OPN5: variants seen among roughly 807,000 people sequenced by gnomAD.
OPN5 encodes opsin 5.
A neutral mutation model predicts 41.7 loss-of-function variants in OPN5; 18 were observed. The observed-to-expected ratio is 0.43, with a 90% confidence interval of 0.30 to 0.64. The LOEUF is 0.64. Among genes scored for constraint, OPN5 ranks in the 30% least tolerant of loss-of-function variants. OPN5 has a pLI of 0.13. For missense variants in OPN5, 318 were observed against 434.5 expected (o/e 0.73, Z 2.38); for synonymous variants, 178 against 164.3 (o/e 1.08, Z -0.64).
At chr6:47,788,810 G>GT (rs1773276654) in intron 2 of OPN5, among the ~76,000 whole-genome samples, 1 of 147,876 alleles carries the variant, frequency 6.8e-6, no homozygotes, top group African/African-American at 2.5e-5. Flanking sequence ...TAACCTGGGG[G>GT]GGGGCGGTGG....
At chr6:47,824,075 T>A in exon 7 of OPN5, 1 of 1,150,462 alleles carries the variant, frequency 8.7e-7, no homozygotes, top group Non-Finnish European at 1.3e-6. Context: ...CAAATGTTAT[T>A]TTTCTGACTT....
At chr6:47,799,734 G>A (rs1343069839) in intron 4 of OPN5, among the ~76,000 whole-genome samples, 5 of 152,098 alleles carry the variant, frequency 3.3e-5, no homozygotes, top group Admixed American at 6.5e-5. Context: ...CGGGCCTTTG[G>A]TGTTCAGCTC....
chr6:47,789,357 T>C (rs1450364522), intron 2 of OPN5, among the ~76,000 whole-genome samples: 1 of 152,126 alleles, frequency 6.6e-6, no homozygotes, highest in Admixed American at 6.5e-5. Flanking sequence ...ATTGTACTAA[T>C]CACTACCTAT....
chr6:47,791,503 CAG>C (rs1298933045), intron 2 of OPN5, among the ~76,000 whole-genome samples: 1 of 152,172 alleles, frequency 6.6e-6, no homozygotes, highest in Non-Finnish European at 1.5e-5. Context: ...TTCCTGAAGC[CAG>C]GTCTCTTTGA....
At chr6:47,792,120 C>A in intron 3 of OPN5, 148 bp downstream of exon 3, 1 of 615,878 alleles carries the variant, frequency 1.6e-6, no homozygotes. Context: ...TCATCTTGTT[C>A]TGACATGTTT....
At chr6:47,795,589 G>A in intron 4 of OPN5, 26 bp downstream of exon 4, 2 of 1,528,588 alleles carry the variant, frequency 1.3e-6, no homozygotes, top group African/African-American at 1.4e-5. Flanking sequence ...TTTTACACAT[G>A]TGTTTTCTGA....
chr6:47,791,993 T>G (rs773136977), intron 3 of OPN5, 21 bp downstream of exon 3: 3 of 1,589,792 alleles, frequency 1.9e-6, no homozygotes, highest in Non-Finnish European at 2.6e-6. Flanking sequence ...AGGTTTCTCA[T>G]TCCCTGACAG....
intron 4 of OPN5, 102 bp downstream of exon 4, chr6:47,795,665 T>G: frequency 3.9e-6 from 3 of 770,568 alleles, no homozygotes; most frequent in Non-Finnish European, 6.4e-6. Flanking sequence ...TTAGAATCTC[T>G]ATTCTTTACG....
chr6:47,822,312 T>C (rs553165401), intron 6 of OPN5, among the ~76,000 whole-genome samples: 3 of 152,160 alleles, frequency 2.0e-5, no homozygotes, highest in African/African-American at 7.2e-5. Flanking sequence ...GAAATAAACA[T>C]GGACAAGAGT....
At chr6:47,815,632 AG>A (rs2114002422) in intron 6 of OPN5, among the ~76,000 whole-genome samples, 1 of 152,226 alleles carries the variant, frequency 6.6e-6, no homozygotes, top group East Asian at 1.9e-4. Flanking sequence ...AGGAGGTCAA[AG>A]GGTTGACCAT....
chr6:47,792,527 G>A (rs1303279402), intron 3 of OPN5, among the ~76,000 whole-genome samples: 2 of 152,150 alleles, frequency 1.3e-5, no homozygotes, highest in Admixed American at 6.5e-5. Flanking sequence ...AAAGATGAGT[G>A]ATTACAAGAA....
chr6:47,821,677 C>T (rs1762627147), intron 6 of OPN5, among the ~76,000 whole-genome samples: 1 of 152,108 alleles, frequency 6.6e-6, no homozygotes. Context: ...CCAATGTTGT[C>T]CTTGTTCTCA....
At chr6:47,788,477 C>G (rs540724055) in intron 2 of OPN5, among the ~76,000 whole-genome samples, 1 of 152,296 alleles carries the variant, frequency 6.6e-6, no homozygotes, top group South Asian at 2.1e-4. Context: ...GTGCAAACCA[C>G]CTCATTACTC....
intron 6 of OPN5, among the ~76,000 whole-genome samples, chr6:47,818,593 A>G (rs1159162280): frequency 6.6e-6 from 1 of 152,218 alleles, no homozygotes; most frequent in African/African-American, 2.4e-5. Context: ...TGGGGCACAG[A>G]TGAGGCTCTT....
At chr6:47,807,413 C>A (rs532482515) in intron 4 of OPN5, among the ~76,000 whole-genome samples, 1 of 152,124 alleles carries the variant, frequency 6.6e-6, no homozygotes, top group Non-Finnish European at 1.5e-5. Context: ...CTAATTAGGA[C>A]TACATTATTA....
At chr6:47,802,330 A>G (rs1773807832) in intron 4 of OPN5, among the ~76,000 whole-genome samples, 1 of 151,950 alleles carries the variant, frequency 6.6e-6, no homozygotes, top group African/African-American at 2.4e-5. Flanking sequence ...CTCAATGTAA[A>G]CTGCAGCTTC....
exon 7 of OPN5, chr6:47,824,096 C>T: frequency 1.2e-6 from 1 of 847,224 alleles, no homozygotes; most frequent in Non-Finnish European, 2.0e-6. Context: ...CTCGCCTCCA[C>T]TCCACTTACC....
At chr6:47,820,184 C>A (rs1357998936) in intron 6 of OPN5, among the ~76,000 whole-genome samples, 1 of 151,368 alleles carries the variant, frequency 6.6e-6, no homozygotes, top group Admixed American at 6.6e-5. Context: ...TTTTGCAAAT[C>A]CTAAAATAGG....
chr6:47,809,276 T>C (rs1042965791), intron 5 of OPN5, among the ~76,000 whole-genome samples: 1 of 152,194 alleles, frequency 6.6e-6, no homozygotes, highest in Non-Finnish European at 1.5e-5. Context: ...TTACTTGATT[T>C]TCTAGATATT....
Sources: allele counts gnomAD v4.1 joint callset (sites outside exome capture counted in the v4.1 genomes callset), GRCh38; gene constraint gnomAD v4.1.1; transcripts MANE v1.5; gene names NCBI Gene and HGNC (gene_info 2026-07-23, HGNC 2026-07-21).